Variants in LRRTM4 observed in about 807,000 individuals in gnomAD.
LRRTM4 encodes the protein leucine rich repeat transmembrane neuronal 4, also known as leucine-rich repeat transmembrane neuronal protein 4.
A neutral mutation model predicts 47.6 loss-of-function variants in LRRTM4; 25 were observed. The ratio of observed to expected loss-of-function variants is 0.53; its 90% CI spans 0.38 to 0.73. The LOEUF is 0.73. LRRTM4 is among the 30% of genes least tolerant of loss of function. The pLI is 0.00. For synonymous variants in LRRTM4, 311 were observed against 269.5 expected (o/e 1.15, Z -1.51); for missense variants, 638 against 713.4 (o/e 0.89, Z 1.20).
At chr2:76,934,961 T>G (rs1674892002) in intron 3 of LRRTM4, among the ~76,000 whole-genome samples, 1 of 137,832 alleles carries the variant, frequency 7.3e-6, no homozygotes, top group African/African-American at 3.2e-5. Context: ...TTCCATATTC[T>G]TTGGAGGAAA....
intron 3 of LRRTM4, among the ~76,000 whole-genome samples, chr2:77,487,019 A>G (rs1677940244): frequency 6.6e-6 from 1 of 152,232 alleles, no homozygotes. Context: ...TTCCTCTAAC[A>G]TATCAATACC....
intron 3 of LRRTM4, among the ~76,000 whole-genome samples, chr2:77,381,530 G>A (rs541015171): frequency 6.6e-6 from 1 of 151,904 alleles, no homozygotes; most frequent in African/African-American, 2.4e-5. Flanking sequence ...TATAGAACTA[G>A]CGAATAGGCA....
intron 3 of LRRTM4, among the ~76,000 whole-genome samples, chr2:77,109,333 T>C (rs1671184619): frequency 6.6e-6 from 1 of 152,172 alleles, no homozygotes; most frequent in African/African-American, 2.4e-5. Context: ...AAAATGAAGT[T>C]TCAATTAGAA....
At chr2:76,897,104 A>G (rs772311555) in intron 3 of LRRTM4, among the ~76,000 whole-genome samples, 2 of 152,058 alleles carry the variant, frequency 1.3e-5, no homozygotes, top group African/African-American at 2.4e-5. Context: ...TCTGCTGTCA[A>G]TGCTCCAATG....
At chr2:77,213,851 C>A (rs11126595) in intron 3 of LRRTM4, among the ~76,000 whole-genome samples, 22,078 of 151,830 alleles carry the variant, frequency 0.15, 2,606 homozygotes, top group East Asian at 0.34. Flanking sequence ...AAGAAGAGTG[C>A]TTCACTTTAT....
At chr2:76,790,773 T>C (rs1474038148) in intron 3 of LRRTM4, among the ~76,000 whole-genome samples, 1 of 152,024 alleles carries the variant, frequency 6.6e-6, no homozygotes, top group Non-Finnish European at 1.5e-5. Context: ...ATCTACTCTT[T>C]GATCAAATTT....
intron 3 of LRRTM4, among the ~76,000 whole-genome samples, chr2:77,215,818 G>A (rs1381914459): frequency 1.3e-5 from 2 of 152,198 alleles, no homozygotes; most frequent in Admixed American, 6.5e-5. Flanking sequence ...GTCAATTAGA[G>A]TAAAACCTCA....
intron 3 of LRRTM4, among the ~76,000 whole-genome samples, chr2:76,792,352 A>C (rs1675019554): frequency 6.6e-6 from 1 of 152,160 alleles, no homozygotes; most frequent in Non-Finnish European, 1.5e-5. Context: ...CCAGGAATAT[A>C]ATAAAATGGA....
chr2:77,327,379 G>C (rs755166719), intron 3 of LRRTM4, among the ~76,000 whole-genome samples: 1 of 152,098 alleles, frequency 6.6e-6, no homozygotes, highest in Non-Finnish European at 1.5e-5. Context: ...TACCACTTAC[G>C]TGGGCATAGA....
chr2:77,468,349 C>T (rs572364936), intron 3 of LRRTM4, among the ~76,000 whole-genome samples: 15 of 152,148 alleles, frequency 9.9e-5, no homozygotes, highest in Admixed American at 3.9e-4. Flanking sequence ...AACTAAGAAC[C>T]ATTATTTATT....
intron 3 of LRRTM4, among the ~76,000 whole-genome samples, chr2:77,323,140 T>C (rs1350168550): frequency 6.6e-6 from 1 of 152,052 alleles, no homozygotes; most frequent in African/African-American, 2.4e-5. Flanking sequence ...CTTGCTCCAG[T>C]GGGCAGTCAC....
intron 3 of LRRTM4, among the ~76,000 whole-genome samples, chr2:77,133,808 A>G (rs1358947470): frequency 1.3e-5 from 2 of 152,200 alleles, no homozygotes; most frequent in Non-Finnish European, 2.9e-5. Context: ...TTCAGGCATG[A>G]GTTTCCGCAG....
chr2:77,061,788 A>C (rs1205438745), intron 3 of LRRTM4, among the ~76,000 whole-genome samples: 2 of 152,324 alleles, frequency 1.3e-5, no homozygotes, highest in Non-Finnish European at 2.9e-5. Context: ...ATCATGAGTT[A>C]ATTGAACAAA....
At chr2:76,917,737 A>G (rs1674302698) in intron 3 of LRRTM4, among the ~76,000 whole-genome samples, 2 of 152,160 alleles carry the variant, frequency 1.3e-5, no homozygotes, top group South Asian at 2.1e-4. Flanking sequence ...CACAAAGGAC[A>G]GTCATGCCCC....
chr2:77,134,277 G>A (rs185386134), intron 3 of LRRTM4, among the ~76,000 whole-genome samples: 190 of 152,138 alleles, frequency 1.2e-3, no homozygotes, highest in African/African-American at 3.9e-3. Flanking sequence ...TTCTAGTGCC[G>A]TGACTTGTTA....
intron 3 of LRRTM4, among the ~76,000 whole-genome samples, chr2:77,098,316 C>A (rs1347052803): frequency 6.6e-6 from 1 of 151,812 alleles, no homozygotes; most frequent in African/African-American, 2.4e-5. Context: ...GACAAATAGT[C>A]CAAGGGAAGG....
chr2:77,007,613 T>C (rs894179035), intron 3 of LRRTM4, among the ~76,000 whole-genome samples: 1 of 152,210 alleles, frequency 6.6e-6, no homozygotes, highest in African/African-American at 2.4e-5. Flanking sequence ...GGTTTGTTAC[T>C]AACTTGTACA....
chr2:76,796,975 A>C (rs1675366899), intron 3 of LRRTM4, among the ~76,000 whole-genome samples: 1 of 152,134 alleles, frequency 6.6e-6, no homozygotes, highest in Non-Finnish European at 1.5e-5. Flanking sequence ...TGAAAAGACC[A>C]AATCTACATC....
At chr2:77,115,183 C>T (rs1319808791) in intron 3 of LRRTM4, among the ~76,000 whole-genome samples, 1 of 152,152 alleles carries the variant, frequency 6.6e-6, no homozygotes, top group Non-Finnish European at 1.5e-5. Context: ...ATTTCTCCTA[C>T]TTGCATGTCC....
Sources: allele counts gnomAD v4.1 joint callset (sites outside exome capture counted in the v4.1 genomes callset), GRCh38; gene constraint gnomAD v4.1.1; transcripts MANE v1.5; gene names NCBI Gene and HGNC (gene_info 2026-07-23, HGNC 2026-07-21).